PDSS1: variants seen among roughly 807,000 people sequenced by gnomAD.
PDSS1 encodes the protein all trans-polyprenyl-diphosphate synthase PDSS1.
Under a neutral mutation model 57.5 loss-of-function variants are expected in PDSS1, and 43 were observed. That is an observed-to-expected ratio of 0.75 (90% confidence interval 0.59 to 0.96). The LOEUF (loss-of-function observed/expected upper bound fraction) is 0.96. Ranked by LOEUF, PDSS1 falls within the 50% of genes least tolerant of loss-of-function variation. PDSS1 has a pLI of 0.00. For synonymous variants in PDSS1, 175 were observed against 191.3 expected (o/e 0.91, Z 0.70); for missense variants, 438 against 527.8 (o/e 0.83, Z 1.67).
At chr10:26,722,521 A>G (rs1301273069) in intron 6 of PDSS1, among the ~76,000 whole-genome samples, 1 of 152,110 alleles carries the variant, frequency 6.6e-6, no homozygotes, top group Non-Finnish European at 1.5e-5. Flanking sequence ...CCTGGCCAAC[A>G]TGGTGAAACC....
At chr10:26,741,504 A>G (rs1004166984) in intron 10 of PDSS1, among the ~76,000 whole-genome samples, 1 of 151,730 alleles carries the variant, frequency 6.6e-6, no homozygotes, top group Non-Finnish European at 1.5e-5. Flanking sequence ...GGGAAAAACA[A>G]CAAAAAAACA....
intron 6 of PDSS1, 34 bp from the exon 7 acceptor site, chr10:26,723,772 C>A: frequency 6.9e-7 from 1 of 1,443,960 alleles, no homozygotes; most frequent in South Asian, 1.1e-5. Context: ...ATGGATTTTT[C>A]AGAACGTTCT....
At chr10:26,710,154 T>TA (rs1369987440) in intron 5 of PDSS1, among the ~76,000 whole-genome samples, 12 of 42,712 alleles carry the variant, frequency 2.8e-4, no homozygotes, top group Non-Finnish European at 4.9e-4. Flanking sequence ...ACTCTTGTCT[T>TA]AAAAAAAAAA....
intron 1 of PDSS1, among the ~76,000 whole-genome samples, chr10:26,699,919 G>C (rs1419537980): frequency 6.6e-6 from 1 of 152,144 alleles, no homozygotes; most frequent in Admixed American, 6.5e-5. Flanking sequence ...CCTCAGGCAT[G>C]TGTATTTTGG....
intron 1 of PDSS1, among the ~76,000 whole-genome samples, chr10:26,700,238 T>G (rs370819803): frequency 3.5e-4 from 53 of 152,102 alleles, no homozygotes; most frequent in East Asian, 1.5e-3. Flanking sequence ...ACTCTTGGAC[T>G]CAAGCCATTC....
intron 4 of PDSS1, among the ~76,000 whole-genome samples, chr10:26,706,485 G>A (rs1835220595): frequency 6.6e-6 from 1 of 152,094 alleles, no homozygotes; most frequent in Non-Finnish European, 1.5e-5. Context: ...CCTCTCTAGG[G>A]GCAGTCCCTT....
At chr10:26,729,675 C>T (rs1475316653) in intron 8 of PDSS1, among the ~76,000 whole-genome samples, 1 of 152,112 alleles carries the variant, frequency 6.6e-6, no homozygotes. Context: ...TTGTCTTGGG[C>T]CTGAGGATAA....
chr10:26,744,264 G>A (rs6482573), intron 11 of PDSS1, among the ~76,000 whole-genome samples: 76,467 of 152,122 alleles, frequency 0.5, 21,374 homozygotes, highest in African/African-American at 0.77. Context: ...GGTCTTCCAA[G>A]TGAGGATGAA....
Position 26,742,523 on chromosome 10 carries a change from G to A in PDSS1, c.1053G>A (p.Met351Ile), listed in dbSNP as rs570070193. Residue 351 changes from methionine (M) to isoleucine (I), a missense_variant, in exon 11 of 12, where the codon ATG becomes ATA. Physicochemically the swap from Met to Ile is conservative, Grantham distance 10. Coordinates refer to ENST00000376215, the MANE Select transcript of PDSS1 (RefSeq NM_014317.5). Reference sequence around the variant, plus strand: ...TCCCAGAAATGAATGCTATGATCATGCGACGGTTCAGTTTGCCTGGAGATG... The same window carrying A: ...TCCCAGAAATGAATGCTATGATCATACGACGGTTCAGTTTGCCTGGAGATG... Reference protein sequence around the residue: ...QQFPEMNAMIMRRFSLPGDVD... With the variant: ...QQFPEMNAMIIRRFSLPGDVD... 2 of 1,612,454 alleles carry A rather than the reference G, an allele frequency of 1.2e-6. No homozygotes were observed. Among genetic ancestry groups the A allele is most frequent in the East Asian group, 2.2e-5 (1 of 44,854 alleles).
intron 8 of PDSS1, among the ~76,000 whole-genome samples, chr10:26,729,709 G>T (rs1836096769): frequency 6.6e-6 from 1 of 152,106 alleles, no homozygotes; most frequent in South Asian, 2.1e-4. Flanking sequence ...CTGTTCAAAA[G>T]TTACCTTTCT....
intron 5 of PDSS1, 120 bp from the exon 6 acceptor site, chr10:26,720,098 A>G (rs566769242): frequency 7.0e-7 from 1 of 1,436,946 alleles, no homozygotes; most frequent in African/African-American, 1.4e-5. Flanking sequence ...GAGTTTTTAT[A>G]CCGTTTCTCT....
intron 6 of PDSS1, 61 bp from the exon 7 acceptor site, chr10:26,723,745 T>TTGGC (rs1198442749): frequency 8.8e-6 from 10 of 1,137,070 alleles, no homozygotes; most frequent in Non-Finnish European, 1.3e-5. Context: ...AGTTTCATCA[T>TTGGC]TGGCTCTACT....
intron 10 of PDSS1, among the ~76,000 whole-genome samples, chr10:26,740,156 A>T (rs1217219665): frequency 6.6e-6 from 1 of 151,780 alleles, no homozygotes; most frequent in Non-Finnish European, 1.5e-5. Context: ...AAAAAAAAAA[A>T]AAATTAAAAA....
At chr10:26,737,172 T>A (rs1836434011) in intron 10 of PDSS1, among the ~76,000 whole-genome samples, 1 of 152,160 alleles carries the variant, frequency 6.6e-6, no homozygotes. Context: ...TTTTGGTTGC[T>A]CTATTTGTAA....
chr10:26,705,257 G>T (rs942029323), intron 3 of PDSS1, 29 bp from the exon 4 acceptor site: 1 of 1,241,904 alleles, frequency 8.1e-7, no homozygotes, highest in Admixed American at 1.7e-5. Flanking sequence ...ACTTGAAAAT[G>T]AAGTCATGTG....
rs1281121652 is a variant in PDSS1, at chr10:26,711,187, A to G, written c.467+1419A>G. Among the ~76,000 whole-genome samples the G allele has an allele frequency of 4.0e-5, 4 of 100,156 alleles. 2 individuals carry two copies. The highest frequency in any genetic ancestry group is 9.3e-5 in the Non-Finnish European group (4 of 42,830). The allele number at this position is 100,156 out of a possible 152,430, so 65.7% of individuals were successfully genotyped here. ...AAATAAATTAATGAAATGTCTTCACAATTACATCATATAATCTATTGATGG... is the reference window on the plus strand; with the variant it reads ...AAATAAATTAATGAAATGTCTTCACGATTACATCATATAATCTATTGATGG... On this transcript the variant is annotated intron_variant, in intron 5 of 11. Transcript: ENST00000376215.
At chr10:26,721,837 A>G (rs1041015375) in intron 6 of PDSS1, among the ~76,000 whole-genome samples, 1 of 152,232 alleles carries the variant, frequency 6.6e-6, no homozygotes, top group Non-Finnish European at 1.5e-5. Flanking sequence ...GGGCAGGTCA[A>G]GGACACATGT....
At chr10:26,740,177 T>C (rs1012120482) in intron 10 of PDSS1, among the ~76,000 whole-genome samples, 3 of 147,802 alleles carry the variant, frequency 2.0e-5, no homozygotes, top group African/African-American at 7.5e-5. Flanking sequence ...ATTAGCCAGG[T>C]GCGTGCCTGT....
intron 10 of PDSS1, 107 bp downstream of exon 10, chr10:26,735,686 A>G (rs573176937): frequency 4.5e-4 from 335 of 738,430 alleles, no homozygotes; most frequent in Non-Finnish European, 6.6e-4. Context: ...ATGGGAAGGC[A>G]TTCAGATAAG....
Sources: gnomAD v4.1 joint callset for allele counts (sites outside exome capture counted in the v4.1 genomes callset) on GRCh38, gnomAD v4.1.1 for gene constraint, MANE v1.5 for transcripts, NCBI Gene and HGNC (gene_info 2026-07-23, HGNC 2026-07-21) for gene names.